The following PRDM11 variants were observed in gnomAD, a reference collection of about 807,000 sequenced individuals.
PRDM11 encodes PR domain-containing protein 11.
In PRDM11, 20 loss-of-function variants were observed where a neutral mutation model predicts 97.8. The ratio of observed to expected loss-of-function variants is 0.20; its 90% CI spans 0.14 to 0.30. PRDM11 has a LOEUF of 0.30. PRDM11 is among the 10% of genes least tolerant of loss of function. The pLI is 1.00. For missense variants in PRDM11, 1,139 were observed against 1,555.2 expected, an observed-to-expected ratio of 0.73 and a Z score of 4.50; for synonymous variants, 599 against 637.7, an observed-to-expected ratio of 0.94 and a Z score of 0.91.
chr11:45,163,124 A>C (rs141314901), intron 1 of PRDM11, among the ~76,000 whole-genome samples: 1,837 of 152,132 alleles, frequency 0.012, 20 homozygotes, highest in Non-Finnish European at 0.02. Context: ...GCCCCCGGGG[A>C]ACAGAGGCAA....
rs968657003 is a variant in PRDM11, at chr11:45,228,261, TATA to T, written c.*103_*105del. 3.6e-5 allele frequency: 8 copies of T among 221,080 alleles called. No individual in the cohort carries two copies. Among genetic ancestry groups the T allele is most frequent in the African/African-American group, 1.0e-4 (4 of 38,648 alleles). 13.7% of individuals were successfully genotyped at this position (221,080 alleles called of 1,614,324 possible). ...AAATATATATTATATTATATTATAT[TATA>T]TTATATATATATATATATATAAACT... On this transcript the variant is annotated 3_prime_UTR_variant, in exon 8 of 8. Transcript: ENST00000683152.
chr11:45,222,629 G>C (rs1182420736), intron 6 of PRDM11, among the ~76,000 whole-genome samples: 1 of 152,176 alleles, frequency 6.6e-6, no homozygotes, highest in Non-Finnish European at 1.5e-5. Context: ...GGACAGAAAA[G>C]GTGCATCCTG....
chr11:45,169,341 G>A (rs1590400968), intron 1 of PRDM11, among the ~76,000 whole-genome samples: 2 of 152,216 alleles, frequency 1.3e-5, no homozygotes, highest in East Asian at 3.8e-4. Context: ...CCTCAGTCTA[G>A]GAGCATCAAC....
At chr11:45,192,344 T>C (rs767641042) in intron 4 of PRDM11, among the ~76,000 whole-genome samples, 7 of 152,214 alleles carry the variant, frequency 4.6e-5, no homozygotes, top group Non-Finnish European at 5.9e-5. Flanking sequence ...TATCAGCTTT[T>C]CCAGGAGTAA....
chr11:45,167,064 T>A lies in PRDM11; in HGVS notation c.-6-14697T>A, dbSNP rs1590398877. ...TGCACTCAGCTTCAATTTCATCAAATGTAGGAAGGGGGTATAATTCACCCT... is the reference window on the plus strand; with the variant it reads ...TGCACTCAGCTTCAATTTCATCAAAAGTAGGAAGGGGGTATAATTCACCCT... On this transcript the variant is annotated intron_variant, in intron 1 of 7. Transcript: ENST00000683152. Among the ~76,000 whole-genome samples, 3 of 152,282 alleles carry A rather than the reference T, an allele frequency of 2.0e-5. No individual in the cohort carries two copies. In the South Asian group the frequency reaches 6.2e-4, roughly 32 times the overall value.
upstream of PRDM11, among the ~76,000 whole-genome samples, chr11:45,094,772 T>G (rs1247387056): frequency 2.4e-3 from 179 of 75,524 alleles, no homozygotes; most frequent in Non-Finnish European, 3.1e-3. Flanking sequence ...AGGGAAGGAA[T>G]AGAGGGAAGG....
intron 1 of PRDM11, 36 bp from the exon 2 acceptor site, chr11:45,181,725 C>A: frequency 1.3e-6 from 2 of 1,570,516 alleles, no homozygotes; most frequent in South Asian, 2.2e-5. Flanking sequence ...TTTCTTTGAT[C>A]CTCTTCCTGT....
chr11:45,227,112 C>T lies in PRDM11; in HGVS notation c.2487C>T (p.Ile829=), dbSNP rs546691935. 35 of 1,533,950 alleles carry T rather than the reference C, an allele frequency of 2.3e-5. No individual in the cohort carries two copies. The African/African-American group carries it at 2.5e-4, about 11-fold the overall frequency. Residue 829 remains isoleucine (I), a synonymous_variant, in exon 8 of 8, where the codon ATC becomes ATT. Transcript: ENST00000683152. The surrounding 1 kb of genome is among the most constrained non-coding windows in gnomAD (Gnocchi z 8.0). ...LGDIRAVRWI[I]GEQNVLNALI... Reference sequence around the variant, plus strand: ...ATATCCGGGCAGTGCGGTGGATCATCGGCGAGCAGAACGTCCTCAACGCTC... The same window carrying T: ...ATATCCGGGCAGTGCGGTGGATCATTGGCGAGCAGAACGTCCTCAACGCTC...
At chr11:45,220,689 C>T (rs113332668) in intron 6 of PRDM11, among the ~76,000 whole-genome samples, 1 of 152,118 alleles carries the variant, frequency 6.6e-6, no homozygotes, top group African/African-American at 2.4e-5. Context: ...GTACTGCAGT[C>T]CTAATGAGAT....
At chr11:45,199,330 C>T (rs1853243055) in intron 4 of PRDM11, among the ~76,000 whole-genome samples, 1 of 152,196 alleles carries the variant, frequency 6.6e-6, no homozygotes, top group Admixed American at 6.5e-5. Flanking sequence ...GGTTCTTGTC[C>T]TATCTTAGGA....
chr11:45,214,680 T>C (rs1455456277), intron 5 of PRDM11: 1 of 152,218 alleles, frequency 6.6e-6, no homozygotes, highest in Non-Finnish European at 1.5e-5. Flanking sequence ...GAATCAAAGA[T>C]TGCCTTCCGA....
chr11:45,106,570 T>C (rs1231623041), intron 1 of PRDM11, among the ~76,000 whole-genome samples: 1 of 152,188 alleles, frequency 6.6e-6, no homozygotes, highest in African/African-American at 2.4e-5. Context: ...ACAGTTTACC[T>C]CTGCCCATAA....
At chr11:45,098,235 TG>T (rs980142535) in intron 1 of PRDM11, among the ~76,000 whole-genome samples, 2 of 152,158 alleles carry the variant, frequency 1.3e-5, no homozygotes, top group African/African-American at 4.8e-5. Flanking sequence ...AAGACTGACA[TG>T]CAAGGAAAAC....
Position 45,224,696 on chromosome 11 carries a change from A to T in PRDM11, c.1222A>T (p.Thr408Ser). ...ATCTGACCCTCATGAACTTCCCACC[A>T]CCTCTTTTTGCCCTAACTGTATTCG... Reference protein sequence around the residue: ...LASDPHELPTTSFCPNCIRLK... With the variant: ...LASDPHELPTSSFCPNCIRLK... The change falls in exon 7 of 8, where the codon ACC becomes TCC. Residue 408 changes from threonine (T) to serine (S), a missense_variant. Thr to Ser is a moderately conservative substitution (Grantham distance 58). Around this residue, in one of 2 missense-constraint regions of PRDM11, gnomAD observed 710 missense variants for 1,044.9 expected, o/e 0.68. Transcript: ENST00000683152. 6.2e-7 allele frequency: 1 copy of T among 1,613,868 alleles called. No homozygotes were observed. The highest frequency in any genetic ancestry group is 8.5e-7 in the Non-Finnish European group (1 of 1,179,978).
chr11:45,155,225 TC>T, intron 1 of PRDM11, among the ~76,000 whole-genome samples: 1 of 152,148 alleles, frequency 6.6e-6, no homozygotes, highest in East Asian at 1.9e-4. Flanking sequence ...TCTCTCACTT[TC>T]CCCAAGGGAA....
intron 1 of PRDM11, among the ~76,000 whole-genome samples, chr11:45,167,203 G>C (rs948286331): frequency 2.0e-5 from 3 of 152,254 alleles, no homozygotes; most frequent in African/African-American, 7.2e-5. Flanking sequence ...ATTCTTTTAA[G>C]TCAAGGTCTT....
intron 1 of PRDM11, among the ~76,000 whole-genome samples, chr11:45,177,115 C>G (rs1240001140): frequency 2.0e-5 from 3 of 152,208 alleles, no homozygotes; most frequent in Non-Finnish European, 4.4e-5. Context: ...CTAGGGAAAC[C>G]AAGTGGGCAC....
intron 1 of PRDM11, among the ~76,000 whole-genome samples, chr11:45,153,470 G>A (rs371857701): frequency 2.0e-5 from 3 of 152,246 alleles, no homozygotes; most frequent in African/African-American, 4.8e-5. Context: ...GGAGAAAGAC[G>A]GAGCACCAGT....
At chr11:45,191,128 G>GT (rs1156537031) in intron 4 of PRDM11, among the ~76,000 whole-genome samples, 2 of 151,832 alleles carry the variant, frequency 1.3e-5, no homozygotes, top group African/African-American at 4.8e-5. Context: ...CCCCTGTATT[G>GT]TTTTTTTTCT....
Sources: allele counts gnomAD v4.1 joint callset (sites outside exome capture counted in the v4.1 genomes callset), GRCh38; gene constraint gnomAD v4.1.1; regional missense constraint gnomAD v4.1.1; non-coding constraint Gnocchi (gnomAD v3.1); transcripts MANE v1.5; gene names NCBI Gene and HGNC (gene_info 2026-07-23, HGNC 2026-07-21).